ITPR2: variants seen among roughly 807,000 people sequenced by gnomAD.
ITPR2 encodes the protein inositol 1,4,5-trisphosphate receptor type 2.
In ITPR2, 207 loss-of-function variants were observed where a neutral mutation model predicts 317.1. That is an observed-to-expected ratio of 0.65 (90% CI 0.58 to 0.73). ITPR2 has a LOEUF of 0.73. Among genes scored for constraint, ITPR2 ranks in the 30% least tolerant of loss-of-function variants. ITPR2 has a pLI of 0.00. For synonymous variants in ITPR2, 1,156 were observed against 1,149.1 expected (o/e 1.01, Z -0.12); for missense variants, 2,613 against 3,284.0 (o/e 0.80, Z 4.99).
intron 23 of ITPR2, chr12:26,627,285 T>C (rs1946642692): frequency 6.6e-6 from 1 of 152,218 alleles, no homozygotes; most frequent in Admixed American, 6.5e-5. Context: ...CGCACTGCTC[T>C]TTGATCCAGG....
chr12:26,387,374 A>G, intron 55 of ITPR2, 60 bp downstream of exon 55: 1 of 1,489,694 alleles, frequency 6.7e-7, no homozygotes, highest in Non-Finnish European at 9.3e-7. Context: ...GGTAGGGTAG[A>G]GAAGATGAAA....
chr12:26,677,489 A>G (rs900029664), intron 13 of ITPR2, among the ~76,000 whole-genome samples: 1 of 151,970 alleles, frequency 6.6e-6, no homozygotes, highest in Non-Finnish European at 1.5e-5. Flanking sequence ...GTTCCCAGCT[A>G]CTCGGGAGTC....
intron 37 of ITPR2, among the ~76,000 whole-genome samples, chr12:26,532,185 G>A (rs946188838): frequency 6.6e-6 from 1 of 151,964 alleles, no homozygotes; most frequent in Admixed American, 6.6e-5. Context: ...GCTATATCAC[G>A]AGCTAAAAGC....
intron 37 of ITPR2, among the ~76,000 whole-genome samples, chr12:26,540,763 T>C (rs1309626626): frequency 6.6e-6 from 1 of 152,162 alleles, no homozygotes. Flanking sequence ...ATCCAGTAAA[T>C]TTATCACTTT....
intron 2 of ITPR2, among the ~76,000 whole-genome samples, chr12:26,766,504 T>C (rs887987411): frequency 6.6e-6 from 1 of 152,222 alleles, no homozygotes; most frequent in Non-Finnish European, 1.5e-5. Context: ...GTTCCTTATA[T>C]ATTCTAGATT....
chr12:26,515,946 C>A (rs572282993), intron 37 of ITPR2, among the ~76,000 whole-genome samples: 3 of 141,042 alleles, frequency 2.1e-5, no homozygotes, highest in African/African-American at 2.6e-5. Flanking sequence ...TCCATCTCTA[C>A]AAAAAAAAAA....
At chr12:26,401,313 G>A (rs1212488653) in intron 52 of ITPR2, among the ~76,000 whole-genome samples, 3 of 152,060 alleles carry the variant, frequency 2.0e-5, no homozygotes, top group Non-Finnish European at 4.4e-5. Context: ...CTTAAAAATT[G>A]GGGCAGATAT....
chr12:26,379,600 CT>C (rs1325594771), intron 55 of ITPR2, among the ~76,000 whole-genome samples: 4 of 152,280 alleles, frequency 2.6e-5, no homozygotes, highest in African/African-American at 4.8e-5. Flanking sequence ...CGCCCTCCCC[CT>C]ATACCCCTGC....
At chr12:26,483,930 T>G in intron 41 of ITPR2, 32 bp from the exon 42 acceptor site, 2 of 1,577,118 alleles carry the variant, frequency 1.3e-6, no homozygotes, top group Non-Finnish European at 1.7e-6. Context: ...ATTGAAGGGT[T>G]ACAAAAATTC....
chr12:26,445,174 T>C (rs1941578328), intron 45 of ITPR2, among the ~76,000 whole-genome samples: 1 of 152,142 alleles, frequency 6.6e-6, no homozygotes, highest in Admixed American at 6.5e-5. Context: ...TCCAAAGTTA[T>C]TGACCTGAGC....
chr12:26,483,596 T>C, intron 42 of ITPR2, 102 bp downstream of exon 42: 1 of 819,012 alleles, frequency 1.2e-6, no homozygotes, highest in Non-Finnish European at 2.0e-6. Context: ...AAAGTAAAAA[T>C]GTCTGGCAAA....
intron 9 of ITPR2, among the ~76,000 whole-genome samples, chr12:26,701,452 G>C (rs7310778): frequency 0.63 from 96,225 of 151,978 alleles, 31,126 homozygotes; most frequent in Non-Finnish European, 0.7. Flanking sequence ...ATCTATTATT[G>C]TGATTGATAA....
intron 1 of ITPR2, among the ~76,000 whole-genome samples, chr12:26,806,452 T>C (rs150636690): frequency 9.8e-5 from 15 of 152,324 alleles, no homozygotes; most frequent in Admixed American, 5.2e-4. Context: ...CACTGTTTGT[T>C]ACACATTAAT....
chr12:26,595,247 A>G (rs1945812560), intron 32 of ITPR2, among the ~76,000 whole-genome samples: 1 of 152,230 alleles, frequency 6.6e-6, no homozygotes, highest in African/African-American at 2.4e-5. Context: ...GTAAAAATGA[A>G]CACTTTACCT....
At chr12:26,687,238 A>G (rs1948144141) in intron 10 of ITPR2, among the ~76,000 whole-genome samples, 1 of 152,218 alleles carries the variant, frequency 6.6e-6, no homozygotes, top group Non-Finnish European at 1.5e-5. Context: ...TACCATTTTA[A>G]GCAGAAACCA....
intron 48 of ITPR2, among the ~76,000 whole-genome samples, chr12:26,433,128 T>C (rs1941258344): frequency 6.6e-6 from 1 of 152,198 alleles, no homozygotes; most frequent in African/African-American, 2.4e-5. Flanking sequence ...ACCTTATTCA[T>C]GGGGCTATAA....
intron 25 of ITPR2, among the ~76,000 whole-genome samples, chr12:26,621,655 C>G (rs181613921): frequency 6.6e-6 from 1 of 152,000 alleles, no homozygotes; most frequent in African/African-American, 2.4e-5. Context: ...TATACATATA[C>G]GTATTTGATG....
intron 10 of ITPR2, 59 bp from the exon 11 acceptor site, chr12:26,686,691 T>G (rs1948133539): frequency 7.0e-7 from 1 of 1,430,508 alleles, no homozygotes; most frequent in African/African-American, 1.4e-5. Flanking sequence ...ACTCTCCAAT[T>G]AATCAGGTGA....
chr12:26,807,211 T>G (rs1950654430), intron 1 of ITPR2, among the ~76,000 whole-genome samples: 1 of 152,056 alleles, frequency 6.6e-6, no homozygotes, highest in East Asian at 1.9e-4. Context: ...AAAGAAGATA[T>G]ATATATATTC....
Sources: gnomAD v4.1 joint callset for allele counts (sites outside exome capture counted in the v4.1 genomes callset) on GRCh38, gnomAD v4.1.1 for gene constraint, MANE v1.5 for transcripts, NCBI Gene and HGNC (gene_info 2026-07-23, HGNC 2026-07-21) for gene names.